Variants in LMF1 observed in about 807,000 individuals in gnomAD.
LMF1 encodes the protein transmembrane protein 112.
LMF1 carries 68 observed loss-of-function variants against 60.6 expected under a neutral mutation model. That is an observed-to-expected ratio of 1.12 (90% CI 0.92 to 1.37). The LOEUF (loss-of-function observed/expected upper bound fraction) is 1.37. LMF1 is among the 40% of genes most tolerant of loss of function. The pLI is 0.00. For synonymous variants in LMF1, 418 were observed against 324.7 expected, an observed-to-expected ratio of 1.29 and a Z score of -3.09; for missense variants, 948 against 767.2, an observed-to-expected ratio of 1.24 and a Z score of -2.78.
Position 962,752 on chromosome 16 carries a change from G to A in LMF1, c.193+8036C>T, listed in dbSNP as rs2151487724. On this transcript the variant is annotated intron_variant, in intron 1 of 10. Transcript: ENST00000262301. The surrounding 1 kb of genome is among the most constrained non-coding windows in gnomAD (Gnocchi z 4.5). ...GGAGGAGACGCCAGGACAAAACCGG[G>A]TCCCAGAACGGAACAGGCACGGGTG... is the stretch of plus-strand genomic sequence containing the variant. Among the ~76,000 whole-genome samples the A allele has an allele frequency of 6.6e-6, 1 of 152,288 alleles. No homozygotes were observed. Among genetic ancestry groups the A allele is most frequent in the Non-Finnish European group, 1.5e-5 (1 of 68,022 alleles).
At chr16:893,693 C>T (rs2070563975) in intron 4 of LMF1, among the ~76,000 whole-genome samples, 2 of 152,110 alleles carry the variant, frequency 1.3e-5, no homozygotes, top group Non-Finnish European at 1.5e-5. Flanking sequence ...GTTGGTTCTG[C>T]AGTGCCAGGG....
chr16:856,381 C>T (rs1054706706), intron 10 of LMF1, among the ~76,000 whole-genome samples: 2 of 152,182 alleles, frequency 1.3e-5, no homozygotes, highest in Non-Finnish European at 1.5e-5. Flanking sequence ...GGAATGCGGC[C>T]GTGAGGGCGC....
chr16:900,296 A>G (rs2070773814), intron 4 of LMF1: 1 of 152,186 alleles, frequency 6.6e-6, no homozygotes, highest in South Asian at 2.1e-4. Context: ...CGTATTCCAC[A>G]TTTCAGCCGT....
intron 2 of LMF1, among the ~76,000 whole-genome samples, chr16:937,498 G>A (rs1012356375): frequency 2.7e-5 from 4 of 148,378 alleles, no homozygotes; most frequent in Non-Finnish European, 6.1e-5. Flanking sequence ...TTGACTGACA[G>A]GCTGCTGGGG....
chr16:916,571 G>A (rs570110864), intron 3 of LMF1, among the ~76,000 whole-genome samples: 27 of 152,352 alleles, frequency 1.8e-4, no homozygotes, highest in African/African-American at 6.5e-4. Flanking sequence ...TGGGGAGTTC[G>A]GCTCTCGCTG....
chr16:902,920 G>C, intron 4 of LMF1, among the ~76,000 whole-genome samples: 1 of 69,034 alleles, frequency 1.4e-5, no homozygotes, highest in Non-Finnish European at 2.5e-5. Flanking sequence ...CTGCCCACAG[G>C]ATGCCTGTCT....
chr16:970,649 T>G (rs2073023451), intron 1 of LMF1, 139 bp downstream of exon 1: 3 of 773,632 alleles, frequency 3.9e-6, no homozygotes, highest in Middle Eastern at 3.6e-4. Context: ...CGCCCCGCCT[T>G]GCCCGGGCCC....
intron 10 of LMF1, among the ~76,000 whole-genome samples, chr16:856,496 G>A (rs2069187847): frequency 6.6e-6 from 1 of 152,214 alleles, no homozygotes; most frequent in Non-Finnish European, 1.5e-5. Flanking sequence ...ATTTAGTGAG[G>A]CCGGGAGGGT....
chr16:859,239 C>T (rs867266807), intron 10 of LMF1, among the ~76,000 whole-genome samples: 6 of 90,590 alleles, frequency 6.6e-5, no homozygotes, highest in African/African-American at 2.0e-4. Context: ...TGTCACGGGA[C>T]GGGTGTGCAG....
At chr16:863,440 C>T in intron 10 of LMF1, among the ~76,000 whole-genome samples, 1 of 146,366 alleles carries the variant, frequency 6.8e-6, no homozygotes, top group East Asian at 1.9e-4. Context: ...CCACACCCAA[C>T]CTCTTTTTTC....
At chr16:894,567 C>T (rs1327004912) in intron 4 of LMF1, among the ~76,000 whole-genome samples, 5 of 152,314 alleles carry the variant, frequency 3.3e-5, no homozygotes, top group African/African-American at 9.6e-5. Context: ...TGCGACAAGG[C>T]GCAGAGAGGA....
At chr16:980,671 G>A (rs1203964587) in intron 1 of LMF1, 1 of 147,732 alleles carries the variant, frequency 6.8e-6, no homozygotes, top group Non-Finnish European at 1.5e-5. Flanking sequence ...GCCACCCTCG[G>A]GGACGGCCGG....
intron 1 of LMF1, among the ~76,000 whole-genome samples, chr16:966,601 C>T (rs1025005469): frequency 2.7e-5 from 3 of 113,166 alleles, no homozygotes; most frequent in African/African-American, 9.9e-5. Context: ...TCCTTTCCGA[C>T]GTTCAGATAT....
intron 6 of LMF1, among the ~76,000 whole-genome samples, chr16:875,712 G>T (rs991876857): frequency 6.6e-6 from 1 of 152,184 alleles, no homozygotes; most frequent in African/African-American, 2.4e-5. Context: ...CCCCTGCCTG[G>T]GCTGTGTGTC....
At position 949,218 on chromosome 16, in the gene LMF1, C is replaced by CAGCCAATGACAGAGTCAG. The variant is rs200058455; in HGVS notation, c.503+5138_503+5139insCTGACTCTGTCATTGGCT. Among the ~76,000 whole-genome samples, 40 of 149,074 alleles carry CAGCCAATGACAGAGTCAG rather than the reference C, an allele frequency of 2.7e-4. 9 individuals carry two copies. The highest frequency in any genetic ancestry group is 8.7e-4 in the Admixed American group (13 of 14,934). On this transcript the variant is annotated intron_variant, in intron 2 of 10. Transcript: ENST00000262301. The stretch of plus-strand genomic sequence containing the variant: ...AATGACAGTCAGCCAACGACAGAGT[C>CAGCCAATGACAGAGTCAG]AGCCAACAACAGAGTCAGAGCCAAC...
At position 870,827 on chromosome 16, in the gene LMF1, G is replaced by A. The variant is rs1336273364; in HGVS notation, c.1134C>T (p.Leu378=). 2.5e-6 allele frequency: 4 copies of A among 1,612,288 alleles called. No homozygotes were observed. Among genetic ancestry groups the A allele is most frequent in the Non-Finnish European group, 2.5e-6 (3 of 1,179,792 alleles). The change falls in exon 8 of 11, where the codon CTC becomes CTT. Residue 378 remains leucine, a synonymous_variant. Transcript: ENST00000262301. ...GCAAGTTGAGGACCACGGGCACGCT[G>A]AGCCAGGCCAGCAGGACGCCCAGCG... ...NVSLGVLLAW[L]SVPVVLNLLS...
chr16:915,723 C>T lies in LMF1; in HGVS notation c.515-4644G>A, dbSNP rs955182867. The stretch of plus-strand genomic sequence containing the variant: ...GGGTGGAGCCTGAGATGGGGTTTTC[C>T]GGACGGAAGTCCTGGAGGCCAGCAG... On this transcript the variant is annotated intron_variant, in intron 3 of 10. Transcript: ENST00000262301. 7.9e-5 allele frequency among the ~76,000 whole-genome samples: 12 copies of T among 152,324 alleles called. No homozygotes were observed. In the East Asian group the frequency reaches 1.3e-3, roughly 17 times the overall value.
intron 1 of LMF1, chr16:979,689 T>C (rs2073284449): frequency 2.2e-6 from 1 of 454,020 alleles, no homozygotes; most frequent in Non-Finnish European, 4.4e-6. Context: ...GCAACTGCTT[T>C]TCTTTGGCAA....
chr16:957,056 C>T (rs956341042), intron 1 of LMF1, among the ~76,000 whole-genome samples: 2 of 152,036 alleles, frequency 1.3e-5, no homozygotes, highest in Non-Finnish European at 2.9e-5. Context: ...ACTTGGGAGG[C>T]TGAGGCAGGA....
Sources: allele counts gnomAD v4.1 joint callset (sites outside exome capture counted in the v4.1 genomes callset), GRCh38; gene constraint gnomAD v4.1.1; non-coding constraint Gnocchi (gnomAD v3.1); transcripts MANE v1.5; gene names NCBI Gene and HGNC (gene_info 2026-07-23, HGNC 2026-07-21).